Variants in PLIN5 observed in about 807,000 individuals in gnomAD.
PLIN5 encodes perilipin-5.
Under a neutral mutation model 32.8 loss-of-function variants are expected in PLIN5, and 34 were observed. That is an observed-to-expected ratio of 1.04 (90% CI 0.79 to 1.38). PLIN5 has a LOEUF of 1.38. Ranked by LOEUF, PLIN5 falls within the 40% of genes most tolerant of loss-of-function variation. The probability of loss-of-function intolerance (pLI) is 0.00; values close to 1 mark genes in which losing one functional copy is unlikely to be tolerated. For synonymous variants in PLIN5, 309 were observed against 292.9 expected (o/e 1.05, Z -0.56); for missense variants, 712 against 660.5 (o/e 1.08, Z -0.85).
chr19:4,528,983 T>C (rs1363155213), intron 5 of PLIN5, 90 bp downstream of exon 5: 2 of 1,371,664 alleles, frequency 1.5e-6, no homozygotes, highest in African/African-American at 1.5e-5. Context: ...CTGTGTGACC[T>C]TGGGTGAGTC....
intron 2 of PLIN5, chr19:4,532,672 T>A (rs1190588678): frequency 6.6e-6 from 1 of 151,904 alleles, no homozygotes; most frequent in African/African-American, 2.4e-5. Flanking sequence ...TGGTCACAAT[T>A]TTTTTGTTTT....
In PLIN5 at chr19:4,523,294, C is replaced by T. The variant is rs893088202; in HGVS notation, c.*234G>A. 2.2e-6 allele frequency: 1 copy of T among 459,284 alleles called. No individual in the cohort carries two copies. The allele number at this position is 459,284 out of a possible 1,614,324, so 28.5% of individuals were successfully genotyped here. A position where few individuals can be genotyped will look rare whatever the true frequency, so the allele number is the denominator to read the frequency against. ...CATAGGTGAAGAACCCAGCTTGTGGCTCAAGTTGGCCTGAATAGGGTTCGA... is the reference window on the plus strand; with the variant it reads ...CATAGGTGAAGAACCCAGCTTGTGGTTCAAGTTGGCCTGAATAGGGTTCGA... On this transcript the variant is annotated 3_prime_UTR_variant, in exon 8 of 8. Coordinates refer to ENST00000381848, the MANE Select transcript of PLIN5 (RefSeq NM_001013706.3). This position sits in a 1 kb window ranked among gnomAD's most constrained non-coding sequence, Gnocchi z 5.0.
rs1166813357 is a variant in PLIN5, at chr19:4,522,729, C to G, written c.*799G>C. The G allele has an allele frequency of 6.6e-6, 1 of 152,058 alleles. No homozygotes were observed. Among genetic ancestry groups the G allele is most frequent in the Admixed American group, 6.6e-5 (1 of 15,250 alleles). The allele number at this position is 152,058 out of a possible 1,614,324, so 9.4% of individuals were successfully genotyped here. A position where few individuals can be genotyped will look rare whatever the true frequency, so the allele number is the denominator to read the frequency against. On this transcript the variant is annotated 3_prime_UTR_variant, in exon 8 of 8. Transcript: ENST00000381848. ...ATAGAGTCTTGCTCTGTCACCCAGGCGAGAGCGCAGGGGCAAGATCATGGC... is the reference window on the plus strand; with the variant it reads ...ATAGAGTCTTGCTCTGTCACCCAGGGGAGAGCGCAGGGGCAAGATCATGGC...
chr19:4,525,902 C>T lies in PLIN5; in HGVS notation c.521-70G>A. 1 of 529,072 alleles carries T rather than the reference C, an allele frequency of 1.9e-6. No individual in the cohort carries two copies. Among genetic ancestry groups the T allele is most frequent in the Non-Finnish European group, 3.4e-6 (1 of 297,002 alleles). 32.8% of individuals were successfully genotyped at this position (529,072 alleles called of 1,614,324 possible). On this transcript the variant is annotated intron_variant, in intron 5 of 7. Transcript: ENST00000381848. The surrounding 1 kb of genome is among the most constrained non-coding windows in gnomAD (Gnocchi z 5.6). ...ACAGCACGGGGACAGGATACGGGGA[C>T]AGCACGGGGACAGGATACGGGGACA...
chr19:4,534,988 C>T (rs760703368), intron 1 of PLIN5, among the ~76,000 whole-genome samples, 177 bp downstream of exon 1: 8 of 152,224 alleles, frequency 5.3e-5, no homozygotes, highest in Non-Finnish European at 7.3e-5. Context: ...TCCTCTGAGG[C>T]CTGGTCCTCG....
chr19:4,532,533 G>A (rs1301925347), intron 2 of PLIN5: 1 of 152,190 alleles, frequency 6.6e-6, no homozygotes, highest in African/African-American at 2.4e-5. Context: ...ATTTTTAGTA[G>A]AAACAGGGTT....
Position 4,533,593 on chromosome 19 carries a change from T to A in PLIN5, c.60+422A>T, listed in dbSNP as rs140759583. ...ACTGTTCGGTGCCTTTGTTTCCCCATCTATGAAATGGGTTACTAGGGTTGT... is the reference window on the plus strand; with the variant it reads ...ACTGTTCGGTGCCTTTGTTTCCCCAACTATGAAATGGGTTACTAGGGTTGT... On this transcript the variant is annotated intron_variant, in intron 2 of 7. Coordinates refer to ENST00000381848, the MANE Select transcript of PLIN5 (RefSeq NM_001013706.3). 826 of 304,444 alleles carry A rather than the reference T, an allele frequency of 2.7e-3. 5 individuals are homozygous for A. Among genetic ancestry groups the A allele is most frequent in the African/African-American group, 0.017 (772 of 46,732 alleles). The allele number at this position is 304,444 out of a possible 1,614,324, so 18.9% of individuals were successfully genotyped here.
At chr19:4,531,036 TG>T (rs1188759903) in intron 3 of PLIN5, among the ~76,000 whole-genome samples, 1 of 150,842 alleles carries the variant, frequency 6.6e-6, no homozygotes, top group African/African-American at 2.4e-5. Context: ...AGTCTCACTC[TG>T]TTGCCCAGGC....
chr19:4,524,906 T>A (rs1976779962), intron 7 of PLIN5, 57 bp downstream of exon 7: 1 of 1,445,754 alleles, frequency 6.9e-7, no homozygotes, highest in Non-Finnish European at 9.3e-7. Context: ...TCGCTCCCCC[T>A]CTTCCTCCGC....
Position 4,523,783 on chromosome 19 carries a change from C to A in PLIN5, c.1137G>T (p.Ala379=), listed in dbSNP as rs768009709. Residue 379 remains alanine (A), a synonymous_variant, in exon 8 of 8, where the codon GCG becomes GCT. Coordinates refer to ENST00000381848, the MANE Select transcript of PLIN5 (RefSeq NM_001013706.3). This position sits in a 1 kb window ranked among gnomAD's most constrained non-coding sequence, Gnocchi z 5.0. ...VPLPWLVGPF[A]PILVERPEPL... ...GCTCGGGTCGCTCCACAAGGATGGGCGCGAAGGGTCCCACCAGCCAGGGCA... is the reference window on the plus strand; with the variant it reads ...GCTCGGGTCGCTCCACAAGGATGGGAGCGAAGGGTCCCACCAGCCAGGGCA... The A allele has an allele frequency of 2.5e-6, 4 of 1,597,690 alleles. No homozygotes were observed. The highest frequency in any genetic ancestry group is 1.7e-6 in the Non-Finnish European group (2 of 1,178,936).
At chr19:4,534,297 A>G (rs1255786226) in intron 1 of PLIN5, 3 of 587,540 alleles carry the variant, frequency 5.1e-6, no homozygotes, top group Non-Finnish European at 9.1e-6. Flanking sequence ...CTGGCAAGGT[A>G]GGGTTGCCGG....
At chr19:4,530,362 G>A (rs372864973) in intron 3 of PLIN5, among the ~76,000 whole-genome samples, 74 of 152,348 alleles carry the variant, frequency 4.9e-4, no homozygotes, top group African/African-American at 1.6e-3. Context: ...AGCTGGCTGA[G>A]AGGGAGGTGA....
intron 5 of PLIN5, among the ~76,000 whole-genome samples, chr19:4,528,070 C>T (rs959852898): frequency 4.7e-4 from 70 of 150,456 alleles, no homozygotes; most frequent in African/African-American, 1.5e-3. Flanking sequence ...CCACCACGCC[C>T]GGCTAATTTT....
Position 4,524,096 on chromosome 19 carries a change from C to G in PLIN5, c.835-11G>C, listed in dbSNP as rs998045508. On this transcript the variant is annotated splice_polypyrimidine_tract_variant and intron_variant, in intron 7 of 7. Transcript: ENST00000381848. ...CGTCTCCAGCTCTGCCTGCAGGGGG[C>G]GGGGACCTCAGTTTCCCCTATGGAC... The G allele has an allele frequency of 3.6e-6, 5 of 1,404,232 alleles. No homozygotes were observed. The Admixed American group carries it at 9.6e-5, about 27-fold the overall frequency. 87.0% of individuals were successfully genotyped at this position (1,404,232 alleles called of 1,614,324 possible).
intron 4 of PLIN5, 101 bp downstream of exon 4, chr19:4,529,683 T>G: frequency 8.6e-6 from 8 of 930,486 alleles, no homozygotes; most frequent in South Asian, 1.5e-5. Flanking sequence ...TGTTTTTTCT[T>G]GAGTTAACTA....
At chr19:4,530,442 TCC>T (rs1233215994) in intron 3 of PLIN5, among the ~76,000 whole-genome samples, 2 of 151,810 alleles carry the variant, frequency 1.3e-5, no homozygotes, top group African/African-American at 4.8e-5. Flanking sequence ...GATCCTGTAG[TCC>T]CCCGCCTGTC....
chr19:4,531,790 CA>C lies in PLIN5; in HGVS notation c.92del (p.Leu31ArgfsTer37), dbSNP rs1478920016. 1 of 1,581,614 alleles carries C rather than the reference CA, an allele frequency of 6.3e-7. No individual in the cohort carries two copies. Among genetic ancestry groups the C allele is most frequent in the Non-Finnish European group, 8.6e-7 (1 of 1,164,562 alleles). ...AGACCGCGGTGCACGTGGCCCTGAC[CA>C]GGGGCAGAGCCACCACACGCTGCAC... Reference protein sequence around the residue: ...NVVQRVVALPLVRATCTAVCD... With the variant: ...NVVQRVVALPXVRATCTAVCD... On this transcript the variant is annotated frameshift_variant, in exon 3 of 8. Transcript: ENST00000381848. LOFTEE classifies it high-confidence loss of function.
chr19:4,524,122 G>T (rs1215261460), intron 7 of PLIN5, 37 bp from the exon 8 acceptor site: 1 of 1,389,290 alleles, frequency 7.2e-7, no homozygotes, highest in Non-Finnish European at 9.3e-7. Flanking sequence ...CCCTATGGAC[G>T]CCCAGGAGGA....
At position 4,531,626 on chromosome 19, in the gene PLIN5, C is replaced by A. The variant is rs767064292; in HGVS notation, c.256+1G>T. On this transcript the variant is annotated splice_donor_variant, in intron 3 of 7. Coordinates refer to ENST00000381848, the MANE Select transcript of PLIN5 (RefSeq NM_001013706.3). LOFTEE classifies it high-confidence loss of function. Reference sequence around the variant, plus strand: ...CCAGGGACACGGGCCAGGGCACTCACGCTGGGGCTGCAGGTGCTCGAGCAG... The same window carrying A: ...CCAGGGACACGGGCCAGGGCACTCAAGCTGGGGCTGCAGGTGCTCGAGCAG... The A allele has an allele frequency of 6.6e-7, 1 of 1,514,334 alleles. No individual in the cohort carries two copies. Among genetic ancestry groups the A allele is most frequent in the Non-Finnish European group, 8.8e-7 (1 of 1,132,848 alleles). The allele number at this position is 1,514,334 out of a possible 1,614,324, so 93.8% of individuals were successfully genotyped here.
Sources: allele counts gnomAD v4.1 joint callset (sites outside exome capture counted in the v4.1 genomes callset), GRCh38; gene constraint gnomAD v4.1.1; non-coding constraint Gnocchi (gnomAD v3.1); transcripts MANE v1.5; gene names NCBI Gene and HGNC (gene_info 2026-07-23, HGNC 2026-07-21).